ABHD6: variants seen among roughly 807,000 people sequenced by gnomAD.
The protein encoded by ABHD6 is monoacylglycerol lipase ABHD6.
A neutral mutation model predicts 38.8 loss-of-function variants in ABHD6; 33 were observed. The observed-to-expected ratio is 0.85, with a 90% CI of 0.64 to 1.14. The LOEUF is 1.14. ABHD6 is among the 50% of genes most tolerant of loss of function. The pLI is 0.00. For synonymous variants in ABHD6, 147 were observed against 161.6 expected (o/e 0.91, Z 0.69); for missense variants, 380 against 422.6 (o/e 0.90, Z 0.88).
chr3:58,264,444 C>T lies in ABHD6; in HGVS notation c.120-2745C>T, dbSNP rs951451751. On this transcript the variant is annotated intron_variant, in intron 3 of 9. Transcript: ENST00000478253. ...ACACACACACACACACACACACACA[C>T]ATATGCCAGGTGCAGTGGCTCAGTG... is the stretch of plus-strand genomic sequence containing the variant. Among the ~76,000 whole-genome samples, 334 of 97,638 alleles carry T rather than the reference C, an allele frequency of 3.4e-3. 9 individuals are homozygous for T. The highest frequency in any genetic ancestry group is 0.031 in the Admixed American group (316 of 10,350). 64.1% of individuals were successfully genotyped at this position (97,638 alleles called of 152,430 possible).
Position 58,267,119 on chromosome 3 carries a change from G to C in ABHD6, c.120-70G>C, listed in dbSNP as rs1431214783. On this transcript the variant is annotated intron_variant, in intron 3 of 9. Transcript: ENST00000478253. The surrounding 1 kb of genome is among the most constrained non-coding windows in gnomAD (Gnocchi z 4.3). The stretch of plus-strand genomic sequence containing the variant: ...TAAGGAAGACTTATAGAGAGGACCT[G>C]TGCCCATCTTGAAGCCACTCATCTA... The C allele has an allele frequency of 6.6e-7, 1 of 1,522,810 alleles. No individual in the cohort carries two copies. Among genetic ancestry groups the C allele is most frequent in the Non-Finnish European group, 9.0e-7 (1 of 1,111,928 alleles). 94.3% of individuals were successfully genotyped at this position (1,522,810 alleles called of 1,614,324 possible). A position where few individuals can be genotyped will look rare whatever the true frequency, so the allele number is the denominator to read the frequency against.
At chr3:58,258,329 TC>T (rs1429339763) in intron 3 of ABHD6, 1 of 429,200 alleles carries the variant, frequency 2.3e-6, no homozygotes, top group Non-Finnish European at 4.7e-6. Flanking sequence ...TGTATATATA[TC>T]AAAAAGTAAA....
At chr3:58,279,933 C>T (rs868579283) in intron 7 of ABHD6, among the ~76,000 whole-genome samples, 1 of 152,180 alleles carries the variant, frequency 6.6e-6, no homozygotes, top group Non-Finnish European at 1.5e-5. Context: ...TCTCTTCTGG[C>T]TTGTAGGGTT....
chr3:58,275,157 T>C (rs1370304067), intron 7 of ABHD6, among the ~76,000 whole-genome samples: 1 of 152,104 alleles, frequency 6.6e-6, no homozygotes, highest in East Asian at 1.9e-4. Context: ...ATAAGCCTCT[T>C]CTAGGGACAG....
At chr3:58,290,288 C>CT (rs1559785846) in intron 9 of ABHD6, among the ~76,000 whole-genome samples, 5 of 121,062 alleles carry the variant, frequency 4.1e-5, no homozygotes, top group African/African-American at 1.6e-4. Context: ...GCTGGCCGGG[C>CT]GGGGGGCTGA....
At chr3:58,283,171 C>G (rs143048967) in intron 7 of ABHD6, among the ~76,000 whole-genome samples, 178 of 152,358 alleles carry the variant, frequency 1.2e-3, no homozygotes, top group African/African-American at 4.0e-3. Context: ...CACCCAGAAT[C>G]TGATGCTGTG....
intron 9 of ABHD6, among the ~76,000 whole-genome samples, chr3:58,292,733 G>A (rs1282316233): frequency 5.3e-5 from 8 of 151,932 alleles, no homozygotes; most frequent in African/African-American, 1.7e-4. Context: ...CCTGGCCAAC[G>A]TGGTGAAACC....
rs563475454 is a variant in ABHD6, at chr3:58,250,104, A to T, written c.-26+162A>T. 2.0e-5 allele frequency among the ~76,000 whole-genome samples: 3 copies of T among 152,264 alleles called. No homozygotes were observed. The South Asian group carries it at 6.2e-4, about 32-fold the overall frequency. On this transcript the variant is annotated intron_variant, in intron 2 of 9. Transcript: ENST00000478253. ...TAGTGGGAAGGGATTTGGCACCTGA[A>T]GGTTTTCAAAGCTCTGACGCACACC...
chr3:58,293,734 A>G lies in ABHD6; in HGVS notation c.983A>G (p.His328Arg). 27 of 1,614,220 alleles carry G rather than the reference A, an allele frequency of 1.7e-5. No homozygotes were observed. Among genetic ancestry groups the G allele is most frequent in the Non-Finnish European group, 2.3e-5 (27 of 1,180,026 alleles). Residue 328 changes from histidine (H) to arginine (R), a missense_variant, in exon 10 of 10, where the codon CAC becomes CGC. By Grantham distance (29) the His-to-Arg change is conservative. Transcript: ENST00000478253. The surrounding 1 kb of genome is among the most constrained non-coding windows in gnomAD (Gnocchi z 4.4). ...KLIIDFLASVHNTDNNKKLD is the reference protein window; with the variant it reads ...KLIIDFLASVRNTDNNKKLD Reference sequence around the variant, plus strand: ...ATAATCGACTTTTTAGCTTCTGTGCACAACACAGACAACAACAAGAAGCTG... The same window carrying G: ...ATAATCGACTTTTTAGCTTCTGTGCGCAACACAGACAACAACAAGAAGCTG...
At chr3:58,261,501 G>A (rs1441142579) in intron 3 of ABHD6, among the ~76,000 whole-genome samples, 1 of 152,020 alleles carries the variant, frequency 6.6e-6, no homozygotes, top group African/African-American at 2.4e-5. Context: ...AGCTTCTAGA[G>A]TAACTGGGGC....
chr3:58,274,865 G>A (rs2097447717), intron 7 of ABHD6, 50 bp downstream of exon 7: 4 of 1,580,982 alleles, frequency 2.5e-6, no homozygotes, highest in South Asian at 1.1e-5. Flanking sequence ...AGGCCCGGGG[G>A]CGAGTACCAG....
chr3:58,264,776 T>TG (rs1238040173), intron 3 of ABHD6, among the ~76,000 whole-genome samples: 1 of 152,144 alleles, frequency 6.6e-6, no homozygotes, highest in African/African-American at 2.4e-5. Context: ...TTTAAAAATT[T>TG]GGGGGGTACA....
chr3:58,274,865 G>C, intron 7 of ABHD6, 50 bp downstream of exon 7: 1 of 1,581,100 alleles, frequency 6.3e-7, no homozygotes, highest in Non-Finnish European at 8.6e-7. Flanking sequence ...AGGCCCGGGG[G>C]CGAGTACCAG....
rs1173315285 is a variant in ABHD6, at chr3:58,284,361, A to G, written c.682-724A>G. Among the ~76,000 whole-genome samples, 4 of 152,144 alleles carry G rather than the reference A, an allele frequency of 2.6e-5. No individual in the cohort carries two copies. The South Asian group carries it at 6.2e-4, about 24-fold the overall frequency. On this transcript the variant is annotated intron_variant, in intron 7 of 9. Transcript: ENST00000478253. ...TATTTCTTTGTTGTTTAATAGACCTATCATCCCCCAGTGGCTTAATTTTTT... is the reference window on the plus strand; with the variant it reads ...TATTTCTTTGTTGTTTAATAGACCTGTCATCCCCCAGTGGCTTAATTTTTT...
chr3:58,268,185 A>G (rs1172007227), intron 4 of ABHD6, among the ~76,000 whole-genome samples: 1 of 152,180 alleles, frequency 6.6e-6, no homozygotes, highest in Non-Finnish European at 1.5e-5. Flanking sequence ...TTTTTACCTC[A>G]TGGATATTTC....
chr3:58,241,020 G>A (rs1290619844), intron 1 of ABHD6, among the ~76,000 whole-genome samples: 6 of 152,052 alleles, frequency 3.9e-5, no homozygotes, highest in African/African-American at 1.4e-4. Flanking sequence ...GTGAGCCACC[G>A]CGCCCGGCCA....
intron 3 of ABHD6, among the ~76,000 whole-genome samples, chr3:58,260,665 AGTG>A (rs2097436335): frequency 1.3e-5 from 2 of 152,212 alleles, no homozygotes; most frequent in African/African-American, 4.8e-5. Context: ...GATGACCACC[AGTG>A]GGTTCACCTC....
chr3:58,281,553 G>C (rs566369549), intron 7 of ABHD6, among the ~76,000 whole-genome samples: 1 of 152,330 alleles, frequency 6.6e-6, no homozygotes, highest in South Asian at 2.1e-4. Flanking sequence ...GCACTTCCCA[G>C]GTGAGGCGAT....
chr3:58,276,631 C>T (rs986940891), intron 7 of ABHD6, among the ~76,000 whole-genome samples: 1 of 152,058 alleles, frequency 6.6e-6, no homozygotes, highest in Non-Finnish European at 1.5e-5. Context: ...AGATCCCATT[C>T]GTCTATTTTG....
Sources: allele counts gnomAD v4.1 joint callset (sites outside exome capture counted in the v4.1 genomes callset), GRCh38; gene constraint gnomAD v4.1.1; non-coding constraint Gnocchi (gnomAD v3.1); transcripts MANE v1.5; gene names NCBI Gene and HGNC (gene_info 2026-07-23, HGNC 2026-07-21).